The following KIF21B variants were observed in gnomAD, a reference collection of about 807,000 sequenced individuals.
KIF21B encodes the protein kinesin-like protein KIF21B.
Under a neutral mutation model 192.9 loss-of-function variants are expected in KIF21B, and 85 were observed. That is an observed-to-expected ratio of 0.44 (90% confidence interval 0.37 to 0.53). The LOEUF (loss-of-function observed/expected upper bound fraction) is 0.53. Ranked by LOEUF, KIF21B falls within the 20% of genes least tolerant of loss-of-function variation. KIF21B has a pLI of 0.00. For missense variants in KIF21B, 1,716 were observed against 2,194.8 expected, an observed-to-expected ratio of 0.78 and a Z score of 4.36; for synonymous variants, 832 against 884.6, an observed-to-expected ratio of 0.94 and a Z score of 1.05.
intron 34 of KIF21B, chr1:200,973,952 C>A: frequency 6.5e-7 from 1 of 1,535,548 alleles, no homozygotes; most frequent in Non-Finnish European, 8.8e-7. Context: ...CCTCTCTAGG[C>A]CAGGCAGGAC....
In KIF21B at chr1:200,991,662, G is replaced by C. The variant is rs1361252121; in HGVS notation, c.2449C>G (p.Gln817Glu). The C allele has an allele frequency of 1.2e-6, 2 of 1,614,006 alleles. No individual in the cohort carries two copies. Among genetic ancestry groups the C allele is most frequent in the Non-Finnish European group, 1.7e-6 (2 of 1,180,014 alleles). ...QQEMVLRRKT[Q>E]EVSALRRLAK... is the part of the protein sequence containing the mutation. ...AGCCCCTCGAGTGAGCTCACCTCCT[G>C]GGTCTTCCTCCTCAGGACCATCTCC... Residue 817 changes from glutamine to glutamate, a missense_variant, in exon 17 of 35, where the codon CAG (glutamine) becomes GAG (glutamate). This residue lies in a region of KIF21B where 1,087 missense variants were observed against 1,316.6 expected (regional missense o/e 0.83). Coordinates refer to ENST00000461742, the MANE Select transcript of KIF21B (RefSeq NM_001252102.2).
At chr1:201,021,635 C>A (rs938263433) in intron 1 of KIF21B, among the ~76,000 whole-genome samples, 1 of 152,160 alleles carries the variant, frequency 6.6e-6, no homozygotes, top group Non-Finnish European at 1.5e-5. Flanking sequence ...TGAGGCTCCC[C>A]GGGTGGGAGT....
chr1:201,005,799 G>T, intron 3 of KIF21B, 105 bp from the exon 4 acceptor site: 2 of 1,229,262 alleles, frequency 1.6e-6, no homozygotes, highest in Non-Finnish European at 2.3e-6. Context: ...GGAAACTGAG[G>T]CTGTGGGTCC....
In KIF21B at chr1:200,999,526, G is replaced by T. The variant is rs1558015769; in HGVS notation, c.1768-60C>A. On this transcript the variant is annotated intron_variant, in intron 12 of 34. Transcript: ENST00000461742. This position sits in a 1 kb window ranked among gnomAD's most constrained non-coding sequence, Gnocchi z 4.7. Reference sequence around the variant, plus strand: ...TCAGAGAGGGGAGCCCAGAAGCAGAGGTGCATCCCGACACAATGCCTCAGG... The same window carrying T: ...TCAGAGAGGGGAGCCCAGAAGCAGATGTGCATCCCGACACAATGCCTCAGG... 6.3e-7 allele frequency: 1 copy of T among 1,584,464 alleles called. No homozygotes were observed. The highest frequency in any genetic ancestry group is 2.2e-5 in the East Asian group (1 of 44,778).
At position 200,999,299 on chromosome 1, in the gene KIF21B, TG is replaced by T; in HGVS notation, c.1885+49del. 1 of 1,612,478 alleles carries T rather than the reference TG, an allele frequency of 6.2e-7. No homozygotes were observed. Among genetic ancestry groups the T allele is most frequent in the Non-Finnish European group, 8.5e-7 (1 of 1,178,884 alleles). ...AGGGCCCGACCCCACACTTGGGCACTGGCAGCCAGGCATTGCATCCCCCACA... is the reference window on the plus strand; with the variant it reads ...AGGGCCCGACCCCACACTTGGGCACTGCAGCCAGGCATTGCATCCCCCACA... On this transcript the variant is annotated intron_variant, in intron 13 of 34. Transcript: ENST00000461742. The surrounding 1 kb of genome is among the most constrained non-coding windows in gnomAD (Gnocchi z 4.7).
At position 200,984,361 on chromosome 1, in the gene KIF21B, C is replaced by G. The variant is rs184677131; in HGVS notation, c.3803+498G>C. On this transcript the variant is annotated intron_variant, in intron 27 of 34. Transcript: ENST00000461742. ...TGCAGGGGAGGCTGTTAACATAAAC[C>G]ACACCATTAGGCAGTAGAGTCTTGC... Among the ~76,000 whole-genome samples the G allele has an allele frequency of 6.6e-5, 10 of 152,300 alleles. No individual in the cohort carries two copies. In the East Asian group the frequency reaches 1.7e-3, roughly 26 times the overall value.
In KIF21B at chr1:200,999,926, T is replaced by G; in HGVS notation, c.1724A>C (p.Gln575Pro). The change falls in exon 12 of 35, where the codon CAA becomes CCA. Residue 575 changes from glutamine (Q) to proline (P), a missense_variant. Gln to Pro is a moderately conservative substitution (Grantham distance 76). This residue lies in a region of KIF21B where 1,087 missense variants were observed against 1,316.6 expected (regional missense o/e 0.83). Coordinates refer to ENST00000461742, the MANE Select transcript of KIF21B (RefSeq NM_001252102.2). This position sits in a 1 kb window ranked among gnomAD's most constrained non-coding sequence, Gnocchi z 4.7. ...ATCCGTCTCCTCGCTGTTCTCCTGTTGGAGTTTTGCCCTCTTTTTGAAGGC... is the reference window on the plus strand; with the variant it reads ...ATCCGTCTCCTCGCTGTTCTCCTGTGGGAGTTTTGCCCTCTTTTTGAAGGC... ...KEAFKKRAKL[Q>P]QENSEETDEN... is the part of the protein sequence containing the mutation. The G allele has an allele frequency of 6.2e-7, 1 of 1,614,010 alleles. No homozygotes were observed. The highest frequency in any genetic ancestry group is 8.5e-7 in the Non-Finnish European group (1 of 1,179,992).
intron 3 of KIF21B, among the ~76,000 whole-genome samples, chr1:201,006,302 C>T (rs1041251124): frequency 6.6e-5 from 10 of 152,224 alleles, no homozygotes; most frequent in African/African-American, 2.2e-4. Flanking sequence ...GGAGCAGTCA[C>T]CCCATTTCAG....
In KIF21B at chr1:200,975,537, T is replaced by G; in HGVS notation, c.4576A>C (p.Ile1526Leu). 6.2e-7 allele frequency: 1 copy of G among 1,613,636 alleles called. No individual in the cohort carries two copies. The highest frequency in any genetic ancestry group is 1.3e-5 in the African/African-American group (1 of 75,052). Reference protein sequence around the residue: ...ILFSGSRDNGIKKWDLDQQEL... With the variant: ...ILFSGSRDNGLKKWDLDQQEL... ...TGCTGGTCTAGGTCCCACTTCTTGA[T>G]GCCGTTATCTCGGGAGCCACTGAAC... The change falls in exon 33 of 35, where the codon ATC becomes CTC. Residue 1526 changes from isoleucine to leucine, a missense_variant. Physicochemically the swap from Ile to Leu is conservative, Grantham distance 5. Transcript: ENST00000461742. This position sits in a 1 kb window ranked among gnomAD's most constrained non-coding sequence, Gnocchi z 4.3.
chr1:201,000,239 G>T lies in KIF21B; in HGVS notation c.1685+151C>A. On this transcript the variant is annotated intron_variant, in intron 11 of 34. Coordinates refer to ENST00000461742, the MANE Select transcript of KIF21B (RefSeq NM_001252102.2). This position sits in a 1 kb window ranked among gnomAD's most constrained non-coding sequence, Gnocchi z 6.0. ...AAAAGGCTGAGCAAATCTGCGCCAT[G>T]AATTCCCAAGCAATACTGAGGCAGC... 2.3e-6 allele frequency: 2 copies of T among 856,194 alleles called. No individual in the cohort carries two copies. The highest frequency in any genetic ancestry group is 3.7e-6 in the Non-Finnish European group (2 of 547,266). 53.0% of individuals were successfully genotyped at this position (856,194 alleles called of 1,614,324 possible).
Position 200,988,310 on chromosome 1 carries a change from C to T in KIF21B, c.3394G>A (p.Asp1132Asn), listed in dbSNP as rs992008787. ...GCGGGGCTCACCTTGAACTTGAAATCGTCATGGCTGGTGGAGCCTTTCATG... is the reference window on the plus strand; with the variant it reads ...GCGGGGCTCACCTTGAACTTGAAATTGTCATGGCTGGTGGAGCCTTTCATG... ...FTMKGSTSHD[D>N]FKFKSEPKLS... is the part of the protein sequence containing the mutation. The change falls in exon 24 of 35, where the codon GAT becomes AAT. Residue 1132 changes from aspartate to asparagine, a missense_variant. By Grantham distance (23) the Asp-to-Asn change is conservative. Around this residue, in one of 3 missense-constraint regions of KIF21B, gnomAD observed 580 missense variants for 775.5 expected, o/e 0.75. Coordinates refer to ENST00000461742, the MANE Select transcript of KIF21B (RefSeq NM_001252102.2). 7 of 1,613,942 alleles carry T rather than the reference C, an allele frequency of 4.3e-6. No individual in the cohort carries two copies. Among genetic ancestry groups the T allele is most frequent in the South Asian group, 2.2e-5 (2 of 91,080 alleles).
At position 200,998,329 on chromosome 1, in the gene KIF21B, G is replaced by A. The variant is rs1396737338; in HGVS notation, c.2077+55C>T. On this transcript the variant is annotated intron_variant, in intron 14 of 34. Transcript: ENST00000461742. The surrounding 1 kb of genome is among the most constrained non-coding windows in gnomAD (Gnocchi z 4.3). ...ACCAGCTGCTTTTGACAGAGGAGGG[G>A]CTCAGGGAAAAGGGAGGGTCCGGAT... 6.6e-6 allele frequency: 10 copies of A among 1,521,340 alleles called. No homozygotes were observed. Among genetic ancestry groups the A allele is most frequent in the Middle Eastern group, 2.4e-4 (1 of 4,230 alleles). 94.2% of individuals were successfully genotyped at this position (1,521,340 alleles called of 1,614,324 possible). A position where few individuals can be genotyped will look rare whatever the true frequency, so the allele number is the denominator to read the frequency against.
At chr1:200,981,804 C>T (rs1371109389) in intron 28 of KIF21B, among the ~76,000 whole-genome samples, 2 of 152,098 alleles carry the variant, frequency 1.3e-5, no homozygotes, top group Admixed American at 6.5e-5. Flanking sequence ...TGGAACAACA[C>T]CTCCTCGCTC....
intron 14 of KIF21B, among the ~76,000 whole-genome samples, chr1:200,997,468 G>A (rs1173689806): frequency 6.6e-6 from 1 of 152,216 alleles, no homozygotes; most frequent in African/African-American, 2.4e-5. Flanking sequence ...AATTCGGCCA[G>A]GCACGGTGGC....
At position 201,002,248 on chromosome 1, in the gene KIF21B, T is replaced by C; in HGVS notation, c.1315A>G (p.Lys439Glu). The C allele has an allele frequency of 1.2e-6, 2 of 1,614,228 alleles. No homozygotes were observed. The highest frequency in any genetic ancestry group is 1.7e-6 in the Non-Finnish European group (2 of 1,180,032). The stretch of plus-strand genomic sequence containing the variant: ...GCATCGATGGCCTCCTGCATGGCTT[T>C]CACCCGCAGCCGCAGGGCCCCATTC... ...KENGALRLRV[K>E]AMQEAIDAIN... is the part of the protein sequence containing the mutation. The change falls in exon 9 of 35, where the codon AAA becomes GAA. Residue 439 changes from lysine to glutamate, a missense_variant. By Grantham distance (56) the Lys-to-Glu change is moderately conservative. Around this residue, in one of 3 missense-constraint regions of KIF21B, gnomAD observed 1,087 missense variants for 1,316.6 expected, o/e 0.83. Transcript: ENST00000461742.
Position 200,982,739 on chromosome 1 carries a change from T to A in KIF21B, c.3842+317A>T, listed in dbSNP as rs1656024084. 6.6e-6 allele frequency among the ~76,000 whole-genome samples: 1 copy of A among 151,950 alleles called. No homozygotes were observed. The highest frequency in any genetic ancestry group is 2.4e-5 in the African/African-American group (1 of 41,342). ...TGGAGAACTCAGCCCCAGCCCAGCA[T>A]CCCCTAGGCCTCCATGCTGCGCCCC... On this transcript the variant is annotated intron_variant, in intron 28 of 34. Coordinates refer to ENST00000461742, the MANE Select transcript of KIF21B (RefSeq NM_001252102.2). The surrounding 1 kb of genome is among the most constrained non-coding windows in gnomAD (Gnocchi z 4.7).
chr1:200,973,191 C>A lies in KIF21B; in HGVS notation c.*330G>T. The A allele has an allele frequency of 3.7e-6, 1 of 273,274 alleles. No individual in the cohort carries two copies. The highest frequency in any genetic ancestry group is 6.8e-6 in the Non-Finnish European group (1 of 147,428). 16.9% of individuals were successfully genotyped at this position (273,274 alleles called of 1,614,324 possible). On this transcript the variant is annotated 3_prime_UTR_variant, in exon 35 of 35. Coordinates refer to ENST00000461742, the MANE Select transcript of KIF21B (RefSeq NM_001252102.2). ...CTCCCCACAGGGCTCCACCACTGGGCCAAAGGCCTGAGAAAGGGGCAGAGC... is the reference window on the plus strand; with the variant it reads ...CTCCCCACAGGGCTCCACCACTGGGACAAAGGCCTGAGAAAGGGGCAGAGC...
chr1:201,014,611 G>A (rs1459311067), intron 1 of KIF21B, among the ~76,000 whole-genome samples: 6 of 152,222 alleles, frequency 3.9e-5, no homozygotes, highest in Admixed American at 3.9e-4. Flanking sequence ...GGTCCTTAAT[G>A]ACATCACACA....
rs901508123 is a variant in KIF21B, at chr1:201,004,989, CT to C, written c.733-57del. On this transcript the variant is annotated intron_variant, in intron 5 of 34. Transcript: ENST00000461742. ...GCCCTCGCCCACCTCACTGGCTCCC[CT>C]GATCACAGTACTGCCATCCGGGAGA... 6 of 1,558,786 alleles carry C rather than the reference CT, an allele frequency of 3.8e-6. No individual in the cohort carries two copies. In the African/African-American group the frequency reaches 8.1e-5, roughly 21 times the overall value.
Sources: allele counts gnomAD v4.1 joint callset (sites outside exome capture counted in the v4.1 genomes callset), GRCh38; gene constraint gnomAD v4.1.1; regional missense constraint gnomAD v4.1.1; non-coding constraint Gnocchi (gnomAD v3.1); transcripts MANE v1.5; gene names NCBI Gene and HGNC (gene_info 2026-07-23, HGNC 2026-07-21).